Variants in AGMO observed in about 807,000 individuals in gnomAD.
AGMO encodes the protein glyceryl-ether monooxygenase.
In AGMO, 75 loss-of-function variants were observed where a neutral mutation model predicts 60.2. The ratio of observed to expected loss-of-function variants is 1.25; its 90% CI spans 1.03 to 1.51. The LOEUF (loss-of-function observed/expected upper bound fraction) is 1.51. Ranked by LOEUF, AGMO falls within the 40% of genes most tolerant of loss-of-function variation. AGMO has a pLI of 0.00. For synonymous variants in AGMO, 261 were observed against 177.1 expected (o/e 1.47, Z -3.76); for missense variants, 763 against 525.5 (o/e 1.45, Z -4.42).
At chr7:15,217,690 G>C (rs1000196730) in intron 12 of AGMO, among the ~76,000 whole-genome samples, 1 of 151,720 alleles carries the variant, frequency 6.6e-6, no homozygotes, top group Non-Finnish European at 1.5e-5. Flanking sequence ...AATAATGCAA[G>C]ATGAAAATAA....
chr7:15,154,226 A>G, the AGMO span, among the ~76,000 whole-genome samples: 1 of 152,204 alleles, frequency 6.6e-6, no homozygotes, highest in African/African-American at 2.4e-5. Context: ...GCTCTGCTAT[A>G]TATCAACAGT....
chr7:15,446,843 T>C (rs975470393), intron 3 of AGMO, among the ~76,000 whole-genome samples: 2 of 152,224 alleles, frequency 1.3e-5, no homozygotes, highest in Admixed American at 1.3e-4. Flanking sequence ...GATTGATGTC[T>C]GGTGTCACTG....
Position 15,290,235 on chromosome 7 carries a change from G to A in AGMO, c.1263+75279C>T, listed in dbSNP as rs192550487. Among the ~76,000 whole-genome samples the A allele has an allele frequency of 2.9e-4, 44 of 152,008 alleles. No homozygotes were observed. In the East Asian group the frequency reaches 7.2e-3, roughly 25 times the overall value. ...GTACAGATGGGGTTTCACCATATTG[G>A]TCAGGCTGGTCTCGAACTCCTCACC... On this transcript the variant is annotated intron_variant, in intron 12 of 12. Coordinates refer to ENST00000342526, the MANE Select transcript of AGMO (RefSeq NM_001004320.2).
At chr7:15,342,160 T>TTC (rs1209883728) in intron 12 of AGMO, among the ~76,000 whole-genome samples, 1 of 72,152 alleles carries the variant, frequency 1.4e-5, no homozygotes, top group African/African-American at 7.9e-5. Flanking sequence ...TGAGAGTAGA[T>TTC]ACCCACAGAG....
intron 12 of AGMO, among the ~76,000 whole-genome samples, chr7:15,322,527 AATATATAAATATATATATAAAT>A (rs1781157363): frequency 1.8e-5 from 1 of 54,952 alleles, no homozygotes; most frequent in South Asian, 5.8e-4. Context: ...AATATATATA[AATATATAAATATATATATAAAT>A]ATATATAAAT....
At chr7:15,505,885 T>G (rs1216050028) in intron 3 of AGMO, among the ~76,000 whole-genome samples, 2 of 152,044 alleles carry the variant, frequency 1.3e-5, no homozygotes, top group African/African-American at 4.8e-5. Flanking sequence ...TCTGATGACT[T>G]TTTAAAGTTT....
In AGMO at chr7:15,454,022, T is replaced by A. The variant is rs1370937299; in HGVS notation, c.410-22914A>T. ...TAAAAGTATATACATAAAATATGTT[T>A]ATATATTTTTTATATATATATACCA... On this transcript the variant is annotated intron_variant, in intron 3 of 12. Transcript: ENST00000342526. Among the ~76,000 whole-genome samples, 6 of 148,586 alleles carry A rather than the reference T, an allele frequency of 4.0e-5. No homozygotes were observed. In the East Asian group the frequency reaches 1.2e-3, roughly 29 times the overall value.
intron 2 of AGMO, among the ~76,000 whole-genome samples, chr7:15,556,469 G>A (rs1301976192): frequency 6.6e-6 from 1 of 151,934 alleles, no homozygotes; most frequent in South Asian, 2.1e-4. Context: ...TGTTTCAACA[G>A]AATAAATGAA....
chr7:15,511,142 T>A (rs1197123510), intron 3 of AGMO, among the ~76,000 whole-genome samples: 1 of 152,070 alleles, frequency 6.6e-6, no homozygotes, highest in Admixed American at 6.5e-5. Context: ...TTGGAGCTCA[T>A]CCTGGCAGCT....
At chr7:15,197,261 G>A (rs1374281896), downstream of AGMO, among the ~76,000 whole-genome samples, 7 of 151,984 alleles carry the variant, frequency 4.6e-5, no homozygotes, top group African/African-American at 1.2e-4. Flanking sequence ...TTGTTCTCCC[G>A]AATAAATCCT....
At chr7:15,375,465 G>C (rs1015703765) in intron 10 of AGMO, among the ~76,000 whole-genome samples, 1 of 133,858 alleles carries the variant, frequency 7.5e-6, no homozygotes, top group East Asian at 2.3e-4. Flanking sequence ...GCACAATCTT[G>C]GCTTCTGCAC....
intron 12 of AGMO, among the ~76,000 whole-genome samples, chr7:15,214,023 T>C (rs1432775127): frequency 6.6e-6 from 1 of 151,984 alleles, no homozygotes; most frequent in Non-Finnish European, 1.5e-5. Flanking sequence ...AGTAACAAAA[T>C]TAAACCTTTA....
chr7:15,275,208 C>T (rs1187853442), intron 12 of AGMO, among the ~76,000 whole-genome samples: 1 of 152,052 alleles, frequency 6.6e-6, no homozygotes, highest in East Asian at 1.9e-4. Context: ...CCTCTTAGCA[C>T]TACTTTTGCT....
intron 12 of AGMO, among the ~76,000 whole-genome samples, chr7:15,280,624 C>T (rs1185683479): frequency 6.6e-6 from 1 of 152,210 alleles, no homozygotes; most frequent in Admixed American, 6.5e-5. Context: ...CATCCCATTG[C>T]TACTACTGCA....
intron 12 of AGMO, among the ~76,000 whole-genome samples, chr7:15,317,880 T>TACACACGTATATATATACAC (rs1563083636): frequency 9.4e-5 from 14 of 149,192 alleles, no homozygotes; most frequent in Non-Finnish European, 1.3e-4. Flanking sequence ...TATATATATA[T>TACACACGTATATATATACAC]ACACACGTAT....
At chr7:15,369,298 C>T (rs907625331) in intron 10 of AGMO, among the ~76,000 whole-genome samples, 1 of 152,074 alleles carries the variant, frequency 6.6e-6, no homozygotes, top group Non-Finnish European at 1.5e-5. Flanking sequence ...TCCTTTTAAG[C>T]TTATGTGAGA....
At chr7:15,491,504 C>A (rs1300956444) in intron 3 of AGMO, among the ~76,000 whole-genome samples, 1 of 152,072 alleles carries the variant, frequency 6.6e-6, no homozygotes, top group Non-Finnish European at 1.5e-5. Context: ...TGCCATACCA[C>A]AAAGTAAGTG....
chr7:15,354,376 G>GTA (rs139525407), intron 12 of AGMO, among the ~76,000 whole-genome samples: 3,544 of 30,136 alleles, frequency 0.12, 388 homozygotes, highest in East Asian at 0.23. Flanking sequence ...ATAGACGTGT[G>GTA]TATACACGTG....
intron 12 of AGMO, among the ~76,000 whole-genome samples, chr7:15,210,947 A>G (rs1781571771): frequency 6.6e-6 from 1 of 152,086 alleles, no homozygotes; most frequent in African/African-American, 2.4e-5. Flanking sequence ...ACTTAAAGCT[A>G]TTTTACAGAA....
Sources: gnomAD v4.1 joint callset for allele counts (sites outside exome capture counted in the v4.1 genomes callset) on GRCh38, gnomAD v4.1.1 for gene constraint, MANE v1.5 for transcripts, NCBI Gene and HGNC (gene_info 2026-07-23, HGNC 2026-07-21) for gene names.